Variants in FOXK1 observed in about 807,000 individuals in gnomAD.
FOXK1 encodes the protein forkhead box protein K1.
Under a neutral mutation model 51.9 loss-of-function variants are expected in FOXK1, and 19 were observed. The observed-to-expected ratio is 0.37, with a 90% CI of 0.26 to 0.54. The LOEUF is 0.54. Ranked by LOEUF, FOXK1 falls within the 20% of genes least tolerant of loss-of-function variation. FOXK1 has a pLI of 0.87. For missense variants in FOXK1, 870 were observed against 1,032.7 expected (o/e 0.84, Z 2.16); for synonymous variants, 537 against 482.6 (o/e 1.11, Z -1.48).
In FOXK1 at chr7:4,715,694, A is replaced by G. The variant is rs995282865; in HGVS notation, c.561-25144A>G. Among the ~76,000 whole-genome samples, 9 of 152,284 alleles carry G rather than the reference A, an allele frequency of 5.9e-5. No homozygotes were observed. In the East Asian group the frequency reaches 1.5e-3, roughly 26 times the overall value. On this transcript the variant is annotated intron_variant, in intron 1 of 8. Coordinates refer to ENST00000328914, the MANE Select transcript of FOXK1 (RefSeq NM_001037165.2). This position sits in a 1 kb window ranked among gnomAD's most constrained non-coding sequence, Gnocchi z 4.5. ...GGCAGGAACCTGGGCTTGTCAAGTC[A>G]GTCTGTAGTGCACGCCGTTAGATTG...
intron 2 of FOXK1, among the ~76,000 whole-genome samples, chr7:4,752,151 GTATT>G (rs1005127000): frequency 2.6e-5 from 4 of 152,146 alleles, no homozygotes; most frequent in African/African-American, 9.7e-5. Context: ...GTTTATTTAT[GTATT>G]TATTTATTTA....
rs1780860924 is a variant in FOXK1, at chr7:4,756,948, T to C, written c.1051-46T>C. ...GCAGATTTGAGGTGGGTGGGACTCA[T>C]TTTCTGATTTGCTGGTGATGGGTGA... On this transcript the variant is annotated intron_variant, in intron 4 of 8. Coordinates refer to ENST00000328914, the MANE Select transcript of FOXK1 (RefSeq NM_001037165.2). The surrounding 1 kb of genome is among the most constrained non-coding windows in gnomAD (Gnocchi z 4.1). 2 of 1,596,340 alleles carry C rather than the reference T, an allele frequency of 1.3e-6. No individual in the cohort carries two copies. Among genetic ancestry groups the C allele is most frequent in the Non-Finnish European group, 1.7e-6 (2 of 1,171,470 alleles).
chr7:4,746,526 A>AAT (rs1780704584), intron 2 of FOXK1, among the ~76,000 whole-genome samples: 1 of 151,626 alleles, frequency 6.6e-6, no homozygotes, highest in Non-Finnish European at 1.5e-5. Flanking sequence ...AAAAAAAAAA[A>AAT]TTTTTTTGCT....
In FOXK1 at chr7:4,682,297, A is replaced by G; in HGVS notation, c.-12A>G. 1.0e-6 allele frequency: 1 copy of G among 985,766 alleles called. No individual in the cohort carries two copies. The highest frequency in any genetic ancestry group is 1.2e-6 in the Non-Finnish European group (1 of 832,858). The allele number at this position is 985,766 out of a possible 1,614,324, so 61.1% of individuals were successfully genotyped here. On this transcript the variant is annotated 5_prime_UTR_variant, in exon 1 of 9. Coordinates refer to ENST00000328914, the MANE Select transcript of FOXK1 (RefSeq NM_001037165.2). The surrounding 1 kb of genome is among the most constrained non-coding windows in gnomAD (Gnocchi z 7.6). ...GCCGCCGCCGCCGGAGGCCGCTCGGAGCCGCGCGAACATGGCCGAAGTCGG... is the reference window on the plus strand; with the variant it reads ...GCCGCCGCCGCCGGAGGCCGCTCGGGGCCGCGCGAACATGGCCGAAGTCGG...
In FOXK1 at chr7:4,688,267, A is replaced by T. The variant is rs1270323917; in HGVS notation, c.560+5399A>T. The stretch of plus-strand genomic sequence containing the variant: ...AAATTTCTAGAAGATAAGAATTCTT[A>T]AAAAAAAAAAAAAAACCACAGTGTC... On this transcript the variant is annotated intron_variant, in intron 1 of 8. Coordinates refer to ENST00000328914, the MANE Select transcript of FOXK1 (RefSeq NM_001037165.2). 8.9e-5 allele frequency among the ~76,000 whole-genome samples: 5 copies of T among 56,410 alleles called. 1 individual carries two copies. Among genetic ancestry groups the T allele is most frequent in the Admixed American group, 5.5e-4 (4 of 7,318 alleles). The allele number at this position is 56,410 out of a possible 152,430, so 37.0% of individuals were successfully genotyped here.
In FOXK1 at chr7:4,709,075, A is replaced by AG. The variant is rs1554249968; in HGVS notation, c.560+26207_560+26208insG. Among the ~76,000 whole-genome samples the AG allele has an allele frequency of 1.3e-4, 19 of 151,698 alleles. No homozygotes were observed. Among genetic ancestry groups the AG allele is most frequent in the Admixed American group, 9.2e-4 (14 of 15,246 alleles). On this transcript the variant is annotated intron_variant, in intron 1 of 8. Coordinates refer to ENST00000328914, the MANE Select transcript of FOXK1 (RefSeq NM_001037165.2). The surrounding 1 kb of genome is among the most constrained non-coding windows in gnomAD (Gnocchi z 5.6). ...CGAGACTCTGTCTCAAAAAAAAAAA[A>AG]AAAAGAAAAGAAAAGAAAAAGAAAA...
At chr7:4,754,744 T>G in intron 3 of FOXK1, 129 bp downstream of exon 3, 1 of 1,177,178 alleles carries the variant, frequency 8.5e-7, no homozygotes, top group Admixed American at 2.5e-5. Flanking sequence ...CCACAGGGAA[T>G]GGAGCCGCAG....
chr7:4,727,982 G>C (rs780846218), intron 1 of FOXK1, among the ~76,000 whole-genome samples: 12 of 152,188 alleles, frequency 7.9e-5, no homozygotes, highest in Non-Finnish European at 1.5e-4. Context: ...CATTGGTATA[G>C]ACAGATACCA....
rs897607393 is a variant in FOXK1, at chr7:4,769,838, C to G, written c.*7374C>G. ...ATGGAAAGACTCCTAGTTGGTTATT[C>G]TTTATCTCGGATTCTTTTTTCTGGA... On this transcript the variant is annotated 3_prime_UTR_variant, in exon 9 of 9. Transcript: ENST00000328914. This position sits in a 1 kb window ranked among gnomAD's most constrained non-coding sequence, Gnocchi z 4.1. The G allele has an allele frequency of 3.3e-5, 5 of 152,112 alleles. No homozygotes were observed. Among genetic ancestry groups the G allele is most frequent in the African/African-American group, 1.2e-4 (5 of 41,418 alleles). The allele number at this position is 152,112 out of a possible 1,614,324, so 9.4% of individuals were successfully genotyped here.
chr7:4,696,932 G>C (rs1427965095), intron 1 of FOXK1, among the ~76,000 whole-genome samples: 1 of 152,266 alleles, frequency 6.6e-6, no homozygotes, highest in African/African-American at 2.4e-5. Context: ...GCCAGGCATG[G>C]TGGTGTGCTC....
rs1216554226 is a variant in FOXK1 at position 4,755,829 on chromosome 7, T to G, written c.1050+446T>G. The stretch of plus-strand genomic sequence containing the variant: ...GTACATCTGAAAGGCATTAGCGCTG[T>G]GATACCATTGTGTCTAAATACTCTT... On this transcript the variant is annotated intron_variant, in intron 4 of 8. Coordinates refer to ENST00000328914, the MANE Select transcript of FOXK1 (RefSeq NM_001037165.2). The surrounding 1 kb of genome is among the most constrained non-coding windows in gnomAD (Gnocchi z 6.6). Among the ~76,000 whole-genome samples, 3 of 152,236 alleles carry G rather than the reference T, an allele frequency of 2.0e-5. No homozygotes were observed. Among genetic ancestry groups the G allele is most frequent in the Non-Finnish European group, 4.4e-5 (3 of 68,040 alleles).
chr7:4,703,833 A>G lies in FOXK1; in HGVS notation c.560+20965A>G, dbSNP rs187063058. On this transcript the variant is annotated intron_variant, in intron 1 of 8. Coordinates refer to ENST00000328914, the MANE Select transcript of FOXK1 (RefSeq NM_001037165.2). This position sits in a 1 kb window ranked among gnomAD's most constrained non-coding sequence, Gnocchi z 5.6. ...GAGCTTTAGAGAGACTCCCCTAACC[A>G]TGATTTAATCTGGGGAAGGGAGAAA... Among the ~76,000 whole-genome samples the G allele has an allele frequency of 2.6e-4, 39 of 152,148 alleles. No homozygotes were observed. The highest frequency in any genetic ancestry group is 4.4e-5 in the Non-Finnish European group (3 of 68,032).
At chr7:4,698,654 G>C (rs1480457720) in intron 1 of FOXK1, among the ~76,000 whole-genome samples, 1 of 152,062 alleles carries the variant, frequency 6.6e-6, no homozygotes, top group Admixed American at 6.6e-5. Context: ...CCAGGCTCAA[G>C]TGATCCTCCC....
At chr7:4,721,797 A>G (rs567059675) in intron 1 of FOXK1, among the ~76,000 whole-genome samples, 1 of 151,572 alleles carries the variant, frequency 6.6e-6, no homozygotes, top group Non-Finnish European at 1.5e-5. Flanking sequence ...CACCGTATTG[A>G]CCAGGCTGGT....
intron 1 of FOXK1, among the ~76,000 whole-genome samples, chr7:4,708,056 T>G (rs1176872605): frequency 2.0e-5 from 3 of 151,812 alleles, no homozygotes; most frequent in Non-Finnish European, 4.4e-5. Flanking sequence ...TACCGCCTAG[T>G]AACTGGTGGG....
At chr7:4,732,511 C>G (rs970201436) in intron 1 of FOXK1, among the ~76,000 whole-genome samples, 12 of 152,142 alleles carry the variant, frequency 7.9e-5, no homozygotes, top group African/African-American at 2.7e-4. Flanking sequence ...CCAGGCTGAT[C>G]TCGAACTCCT....
intron 1 of FOXK1, among the ~76,000 whole-genome samples, chr7:4,728,292 C>G (rs1433874519): frequency 6.6e-6 from 1 of 152,204 alleles, no homozygotes; most frequent in East Asian, 1.9e-4. Flanking sequence ...TCAGAAAAGT[C>G]TAATCATTTC....
chr7:4,706,219 A>C (rs1474877773), intron 1 of FOXK1, among the ~76,000 whole-genome samples: 2 of 152,070 alleles, frequency 1.3e-5, no homozygotes, highest in Non-Finnish European at 2.9e-5. Flanking sequence ...GATCTATAGC[A>C]GGGACTTGGC....
Position 4,762,123 on chromosome 7 carries a change from T to C in FOXK1, c.1922-61T>C. The C allele has an allele frequency of 2.0e-6, 3 of 1,501,338 alleles. No homozygotes were observed. Among genetic ancestry groups the C allele is most frequent in the South Asian group, 1.3e-5 (1 of 76,596 alleles). The allele number at this position is 1,501,338 out of a possible 1,614,324, so 93.0% of individuals were successfully genotyped here. ...TGGCTTAGCCCCTGTATAGGGGACT[T>C]GAAAAAAGCAGCTGGGTCCTAACCA... On this transcript the variant is annotated intron_variant, in intron 8 of 8. Transcript: ENST00000328914. This position sits in a 1 kb window ranked among gnomAD's most constrained non-coding sequence, Gnocchi z 5.7.
Sources: allele counts gnomAD v4.1 joint callset (sites outside exome capture counted in the v4.1 genomes callset), GRCh38; gene constraint gnomAD v4.1.1; non-coding constraint Gnocchi (gnomAD v3.1); transcripts MANE v1.5; gene names NCBI Gene and HGNC (gene_info 2026-07-23, HGNC 2026-07-21).